The following PDCL2 variants were observed in gnomAD, a reference collection of about 807,000 sequenced individuals.
PDCL2 encodes phosducin like 2.
A neutral mutation model predicts 30.3 loss-of-function variants in PDCL2; 23 were observed. The ratio of observed to expected loss-of-function variants is 0.76; its 90% CI spans 0.55 to 1.08. PDCL2 has a LOEUF of 1.08. Ranked by LOEUF, PDCL2 falls within the 50% of genes least tolerant of loss-of-function variation. PDCL2 has a pLI of 0.00. For synonymous variants in PDCL2, 68 were observed against 86.2 expected (o/e 0.79, Z 1.17); for missense variants, 243 against 282.3 (o/e 0.86, Z 1.00).
In PDCL2 at chr4:55,562,576, ACTAAGATGCTG is replaced by A. The variant is rs1461993277; in HGVS notation, c.388_398del (p.Gln130SerfsTer10). ...TTTCTGGAAACTTTCTTGCTAGAAG[ACTAAGATGCTG>A]GTTAACCAACAAACACATTGGGATG... On this transcript the variant is annotated frameshift_variant, in exon 5 of 6. Transcript: ENST00000295645. LOFTEE classifies it high-confidence loss of function. The A allele has an allele frequency of 8.7e-6, 14 of 1,601,972 alleles. No homozygotes were observed. In the East Asian group the frequency reaches 3.0e-4, roughly 34 times the overall value.
At chr4:55,565,099 G>A (rs1732228572) in intron 4 of PDCL2, among the ~76,000 whole-genome samples, 1 of 152,122 alleles carries the variant, frequency 6.6e-6, no homozygotes, top group South Asian at 2.1e-4. Context: ...ACAATTACCA[G>A]CCATTATTCT....
intron 3 of PDCL2, among the ~76,000 whole-genome samples, chr4:55,576,095 CT>C (rs367724961): frequency 1.0e-3 from 151 of 148,966 alleles, no homozygotes; most frequent in East Asian, 4.1e-3. Context: ...GAATTGGTTT[CT>C]TTTTTTTTTC....
At chr4:55,578,504 G>T (rs1732626614) in intron 3 of PDCL2, among the ~76,000 whole-genome samples, 1 of 152,014 alleles carries the variant, frequency 6.6e-6, no homozygotes, top group Non-Finnish European at 1.5e-5. Flanking sequence ...ACTTCAGACA[G>T]TTCCTGCTAG....
At chr4:55,573,963 G>A (rs1300284065) in intron 3 of PDCL2, among the ~76,000 whole-genome samples, 8 of 150,660 alleles carry the variant, frequency 5.3e-5, no homozygotes, top group Admixed American at 4.0e-4. Context: ...GCATGGTCTC[G>A]GCTCACTGCA....
At chr4:55,558,865 T>C (rs2110151144) in intron 5 of PDCL2, among the ~76,000 whole-genome samples, 1 of 152,322 alleles carries the variant, frequency 6.6e-6, no homozygotes, top group Non-Finnish European at 1.5e-5. Flanking sequence ...TCCAGAACTT[T>C]ACATACACAT....
At chr4:55,563,566 G>A (rs1732187499) in intron 4 of PDCL2, among the ~76,000 whole-genome samples, 1 of 152,124 alleles carries the variant, frequency 6.6e-6, no homozygotes, top group Admixed American at 6.6e-5. Flanking sequence ...GCCCTCCAAA[G>A]GAAGGTTCAC....
intron 4 of PDCL2, among the ~76,000 whole-genome samples, chr4:55,565,026 G>A (rs1732226270): frequency 6.6e-6 from 1 of 152,100 alleles, no homozygotes; most frequent in Non-Finnish European, 1.5e-5. Flanking sequence ...CCTTTGTAAA[G>A]CTAAGGGAAG....
chr4:55,560,087 A>AT (rs1732085411), intron 5 of PDCL2, among the ~76,000 whole-genome samples: 1 of 151,304 alleles, frequency 6.6e-6, no homozygotes, highest in African/African-American at 2.4e-5. Context: ...ACTGAACTGT[A>AT]TGCTTAAAAA....
chr4:55,556,633 A>G lies in PDCL2; in HGVS notation c.650T>C (p.Met217Thr). The change falls in exon 6 of 6, where the codon ATG becomes ACG. Residue 217 changes from methionine to threonine, a missense_variant. Met to Thr is a moderately conservative substitution (Grantham distance 81). Transcript: ENST00000295645. ...AGTGTTTCTAATTGAAGATACCATCATATCTACCATGTCTTTTCTGGGGTT... is the reference window on the plus strand; with the variant it reads ...AGTGTTTCTAATTGAAGATACCATCGTATCTACCATGTCTTTTCTGGGGTT... Reference protein sequence around the residue: ...EENPRKDMVDMMVSSIRNTSI... With the variant: ...EENPRKDMVDTMVSSIRNTSI... 2 of 1,572,918 alleles carry G rather than the reference A, an allele frequency of 1.3e-6. No homozygotes were observed. Among genetic ancestry groups the G allele is most frequent in the Non-Finnish European group, 1.7e-6 (2 of 1,156,110 alleles).
intron 5 of PDCL2, among the ~76,000 whole-genome samples, chr4:55,560,312 A>G (rs958183297): frequency 6.6e-6 from 1 of 152,172 alleles, no homozygotes; most frequent in African/African-American, 2.4e-5. Flanking sequence ...TGTGTTTTTA[A>G]AAGATAAGCA....
In PDCL2 at chr4:55,576,210, C is replaced by T. The variant is rs543972227; in HGVS notation, c.218+4611G>A. Among the ~76,000 whole-genome samples, 114 of 152,184 alleles carry T rather than the reference C, an allele frequency of 7.5e-4. 1 individual carries two copies. In the Middle Eastern group the frequency reaches 0.034, roughly 45 times the overall value. ...AGGTTCAAGCAATTCTCACACCTAG[C>T]CTCCTGAGTAGCTGGGATTACAGGG... On this transcript the variant is annotated intron_variant, in intron 3 of 5. Transcript: ENST00000295645.
chr4:55,572,764 T>C (rs1001726013), intron 3 of PDCL2, among the ~76,000 whole-genome samples: 3 of 150,990 alleles, frequency 2.0e-5, no homozygotes, highest in Admixed American at 6.6e-5. Context: ...TTTCTTCTTC[T>C]TCTTTTTTTT....
At chr4:55,579,829 C>A (rs1732665013) in intron 3 of PDCL2, among the ~76,000 whole-genome samples, 1 of 151,672 alleles carries the variant, frequency 6.6e-6, no homozygotes. Context: ...TGTGCCCAGC[C>A]CCAATTCACT....
At chr4:55,572,112 G>A (rs1732441803) in intron 3 of PDCL2, among the ~76,000 whole-genome samples, 1 of 151,740 alleles carries the variant, frequency 6.6e-6, no homozygotes, top group Non-Finnish European at 1.5e-5. Flanking sequence ...AGTGGAATTG[G>A]GCAGGGGAGA....
intron 1 of PDCL2, among the ~76,000 whole-genome samples, chr4:55,588,257 GGACA>G (rs1732910699): frequency 6.6e-6 from 1 of 152,080 alleles, no homozygotes; most frequent in African/African-American, 2.4e-5. Flanking sequence ...TGTGGACAAA[GGACA>G]GACAGAACTG....
At chr4:55,558,333 T>C (rs981118152) in intron 5 of PDCL2, among the ~76,000 whole-genome samples, 1 of 152,208 alleles carries the variant, frequency 6.6e-6, no homozygotes, top group Non-Finnish European at 1.5e-5. Context: ...CATGCTGTTC[T>C]CTTGATACTG....
chr4:55,557,732 C>T (rs1732006346), intron 5 of PDCL2, among the ~76,000 whole-genome samples: 1 of 152,050 alleles, frequency 6.6e-6, no homozygotes, highest in Non-Finnish European at 1.5e-5. Context: ...GGTCCAGAGT[C>T]TCATCTAAAT....
intron 1 of PDCL2, among the ~76,000 whole-genome samples, chr4:55,588,431 A>G (rs1732916035): frequency 6.6e-6 from 1 of 152,196 alleles, no homozygotes; most frequent in South Asian, 2.1e-4. Context: ...TCTCTTATCT[A>G]CTTCTGACCT....
At chr4:55,580,497 T>C (rs1732681265) in intron 3 of PDCL2, among the ~76,000 whole-genome samples, 1 of 152,196 alleles carries the variant, frequency 6.6e-6, no homozygotes, top group African/African-American at 2.4e-5. Flanking sequence ...ATAGTCACCT[T>C]TGACAGACAT....
Sources: gnomAD v4.1 joint callset for allele counts (sites outside exome capture counted in the v4.1 genomes callset) on GRCh38, gnomAD v4.1.1 for gene constraint, MANE v1.5 for transcripts, NCBI Gene and HGNC (gene_info 2026-07-23, HGNC 2026-07-21) for gene names.